The following EPHB1 variants were observed in gnomAD, a reference collection of about 807,000 sequenced individuals.
The protein encoded by EPHB1 is ephrin type-B receptor 1.
EPHB1 carries 30 observed loss-of-function variants against 94.4 expected under a neutral mutation model. The ratio of observed to expected loss-of-function variants is 0.32; its 90% CI spans 0.24 to 0.43. The LOEUF is 0.43. EPHB1 is among the 20% of genes least tolerant of loss of function. EPHB1 has a pLI of 1.00. For missense variants in EPHB1, 1,055 were observed against 1,308.3 expected (o/e 0.81, Z 2.99); for synonymous variants, 522 against 489.1 (o/e 1.07, Z -0.89).
In EPHB1 at chr3:135,256,421, C is replaced by T. The variant is rs552733017; in HGVS notation, c.2847-2591C>T. ...TCTTGTAGGGCAGGTCTGGTGGTGA[C>T]AAAATCTCTCAGCATTTGCTTGTCT... On this transcript the variant is annotated intron_variant, in intron 15 of 15. Transcript: ENST00000398015. Among the ~76,000 whole-genome samples, 4 of 152,262 alleles carry T rather than the reference C, an allele frequency of 2.6e-5. No homozygotes were observed. The East Asian group carries it at 5.8e-4, about 22-fold the overall frequency.
At chr3:135,102,954 C>T (rs1443587297) in intron 3 of EPHB1, among the ~76,000 whole-genome samples, 5 of 152,080 alleles carry the variant, frequency 3.3e-5, no homozygotes, top group Middle Eastern at 3.4e-3. Context: ...GGGAAGGGAA[C>T]GTCACACCCT....
At chr3:135,139,396 A>G (rs1385720810) in intron 5 of EPHB1, among the ~76,000 whole-genome samples, 1 of 152,166 alleles carries the variant, frequency 6.6e-6, no homozygotes, top group Non-Finnish European at 1.5e-5. Context: ...CATTCACTTA[A>G]CACATTCTTT....
chr3:134,872,897 C>G (rs771699231), intron 1 of EPHB1, among the ~76,000 whole-genome samples: 2 of 152,148 alleles, frequency 1.3e-5, no homozygotes, highest in Non-Finnish European at 2.9e-5. Flanking sequence ...CAAGAAAACC[C>G]AGCAGAGGTT....
chr3:134,907,247 T>C (rs1281122545), intron 1 of EPHB1, among the ~76,000 whole-genome samples: 1 of 152,202 alleles, frequency 6.6e-6, no homozygotes, highest in African/African-American at 2.4e-5. Context: ...ACAGCTTAGA[T>C]TGGAACCTTT....
intron 4 of EPHB1, among the ~76,000 whole-genome samples, chr3:135,126,383 G>T (rs1352500734): frequency 6.6e-6 from 1 of 152,144 alleles, no homozygotes; most frequent in Non-Finnish European, 1.5e-5. Context: ...AGAAAAGAGG[G>T]CACAGTTTGC....
chr3:135,206,943 ATCTTT>A (rs1006991312), intron 12 of EPHB1, among the ~76,000 whole-genome samples: 2 of 152,108 alleles, frequency 1.3e-5, no homozygotes, highest in African/African-American at 4.8e-5. Flanking sequence ...GTTCTCAAAT[ATCTTT>A]TCTTTCAAGT....
chr3:134,976,935 T>G (rs1473473660), intron 3 of EPHB1, among the ~76,000 whole-genome samples: 3 of 152,210 alleles, frequency 2.0e-5, no homozygotes, highest in Non-Finnish European at 4.4e-5. Context: ...AGGGCATTCA[T>G]TTCTATTTGA....
intron 3 of EPHB1, among the ~76,000 whole-genome samples, chr3:134,985,120 T>TA (rs1235346542): frequency 6.6e-6 from 1 of 152,154 alleles, no homozygotes; most frequent in Non-Finnish European, 1.5e-5. Context: ...TAGACTACCC[T>TA]ACAAGAGTTG....
intron 1 of EPHB1, chr3:134,840,636 C>T (rs1019096947): frequency 1.3e-5 from 2 of 152,116 alleles, no homozygotes; most frequent in Non-Finnish European, 2.9e-5. Flanking sequence ...TGTAATAGCA[C>T]CCACTTCATA....
chr3:135,068,314 C>T (rs1477649015), intron 3 of EPHB1, among the ~76,000 whole-genome samples: 1 of 152,200 alleles, frequency 6.6e-6, no homozygotes, highest in Non-Finnish European at 1.5e-5. Context: ...ATTTAATTCT[C>T]TACATCCTCA....
rs538366081 is a variant in EPHB1 at position 135,252,363 on chromosome 3, C to G, written c.2846+2872C>G. 1.7e-3 allele frequency among the ~76,000 whole-genome samples: 186 copies of G among 107,708 alleles called. 2 individuals carry two copies. The highest frequency in any genetic ancestry group is 5.9e-3 in the Middle Eastern group (1 of 170). The allele number at this position is 107,708 out of a possible 152,430, so 70.7% of individuals were successfully genotyped here. A position where few individuals can be genotyped will look rare whatever the true frequency, so the allele number is the denominator to read the frequency against. ...TATATCTCCCAATGCTATCCCTCCC[C>G]CCTCCCCCCACCCCACCACAGTCCC... On this transcript the variant is annotated intron_variant, in intron 15 of 15. Coordinates refer to ENST00000398015, the MANE Select transcript of EPHB1 (RefSeq NM_004441.5).
chr3:134,808,243 C>T (rs566094932), intron 1 of EPHB1, among the ~76,000 whole-genome samples: 7 of 152,196 alleles, frequency 4.6e-5, no homozygotes, highest in Non-Finnish European at 7.3e-5. Context: ...TCTCGCTCCC[C>T]GTAGCTCTAG....
At chr3:135,227,581 C>T (rs1255180955) in intron 12 of EPHB1, among the ~76,000 whole-genome samples, 1 of 152,100 alleles carries the variant, frequency 6.6e-6, no homozygotes, top group Non-Finnish European at 1.5e-5. Flanking sequence ...GAGACAAGCT[C>T]TTTTTAAATG....
intron 1 of EPHB1, among the ~76,000 whole-genome samples, chr3:134,816,729 C>T (rs2036280747): frequency 2.0e-5 from 3 of 151,942 alleles, no homozygotes; most frequent in Non-Finnish European, 4.4e-5. Flanking sequence ...GTGTGTAGTC[C>T]TTGCCTACTC....
At chr3:134,833,902 G>A (rs1409696058) in intron 1 of EPHB1, among the ~76,000 whole-genome samples, 1 of 152,194 alleles carries the variant, frequency 6.6e-6, no homozygotes, top group African/African-American at 2.4e-5. Context: ...TGAGTATAGA[G>A]GAATAAGCAG....
chr3:134,890,522 G>T (rs888230237), intron 1 of EPHB1, among the ~76,000 whole-genome samples: 4 of 152,074 alleles, frequency 2.6e-5, no homozygotes, highest in African/African-American at 9.7e-5. Flanking sequence ...ATTTCTCTTG[G>T]CTGTCTTGGG....
chr3:134,929,237 A>G (rs1379474530), intron 2 of EPHB1, among the ~76,000 whole-genome samples: 4 of 152,236 alleles, frequency 2.6e-5, no homozygotes, highest in Admixed American at 2.0e-4. Flanking sequence ...TGACAGAGCC[A>G]TGAAATAGAA....
chr3:134,808,236 C>T (rs181556591), intron 1 of EPHB1, among the ~76,000 whole-genome samples: 10 of 152,322 alleles, frequency 6.6e-5, no homozygotes, highest in East Asian at 1.9e-4. Context: ...CATAAATTCT[C>T]GCTCCCCGTA....
chr3:135,147,620 A>G (rs1448348405), intron 5 of EPHB1, among the ~76,000 whole-genome samples: 4 of 152,168 alleles, frequency 2.6e-5, no homozygotes, highest in African/African-American at 9.6e-5. Context: ...ACTGTATGGA[A>G]GGGCCAAGGA....
Sources: gnomAD v4.1 joint callset for allele counts (sites outside exome capture counted in the v4.1 genomes callset) on GRCh38, gnomAD v4.1.1 for gene constraint, MANE v1.5 for transcripts, NCBI Gene and HGNC (gene_info 2026-07-23, HGNC 2026-07-21) for gene names.